SLAMF9: variants seen among roughly 807,000 people sequenced by gnomAD.
SLAMF9 encodes the protein CD2 family member 10.
A neutral mutation model predicts 30.4 loss-of-function variants in SLAMF9; 25 were observed. The observed-to-expected ratio is 0.82, with a 90% CI of 0.60 to 1.15. The LOEUF is 1.15. Ranked by LOEUF, SLAMF9 falls within the 50% of genes most tolerant of loss-of-function variation. The pLI is 0.00. For missense variants in SLAMF9, 344 were observed against 346.1 expected, an observed-to-expected ratio of 0.99 and a Z score of 0.05; for synonymous variants, 129 against 127.2, an observed-to-expected ratio of 1.01 and a Z score of -0.09.
Position 159,951,849 on chromosome 1 carries a change from C to G in SLAMF9, c.682G>C (p.Glu228Gln). The stretch of plus-strand genomic sequence containing the variant: ...AGGCAGAAGGCTGTTGAAGGCTTCT[C>G]AGAAGCATAGTTAGGATCTGGGGTG... ...PFYADPNYAS[E>Q]KPSTAFCLLA... The change falls in exon 4 of 4, where the codon GAG becomes CAG. Residue 228 changes from glutamate (E) to glutamine (Q), a missense_variant. Physicochemically the swap from Glu to Gln is conservative, Grantham distance 29 (BLOSUM62 2). Coordinates refer to ENST00000368093, the MANE Select transcript of SLAMF9 (RefSeq NM_033438.4). 1 of 1,614,040 alleles carries G rather than the reference C, an allele frequency of 6.2e-7. No individual in the cohort carries two copies. The highest frequency in any genetic ancestry group is 8.5e-7 in the Non-Finnish European group (1 of 1,179,982).
At chr1:159,962,272 T>C in the SLAMF9 span, among the ~76,000 whole-genome samples, 1 of 151,534 alleles carries the variant, frequency 6.6e-6, no homozygotes, top group Admixed American at 6.6e-5. Flanking sequence ...AGAGTGGAGA[T>C]GAGGCTACAA....
rs1411895291 is a variant in SLAMF9, at chr1:159,952,016, A to G, written c.665-150T>C. The G allele has an allele frequency of 6.7e-6, 5 of 741,108 alleles. No homozygotes were observed. The African/African-American group carries it at 7.1e-5, about 11-fold the overall frequency. 45.9% of individuals were successfully genotyped at this position (741,108 alleles called of 1,614,324 possible). On this transcript the variant is annotated intron_variant, in intron 3 of 3. Coordinates refer to ENST00000368093, the MANE Select transcript of SLAMF9 (RefSeq NM_033438.4). ...GTGTCTCTGGAAATATATTCTATGCACAGAAGCTCAGGAACTGAGATCTAG... is the reference window on the plus strand; with the variant it reads ...GTGTCTCTGGAAATATATTCTATGCGCAGAAGCTCAGGAACTGAGATCTAG...
At chr1:159,953,198 C>T (rs1651820342) in intron 2 of SLAMF9, 111 bp downstream of exon 2, 5 of 850,680 alleles carry the variant, frequency 5.9e-6, no homozygotes, top group African/African-American at 5.1e-5. Flanking sequence ...AGTCTGCCTC[C>T]AGTTCTAGCC....
upstream of SLAMF9, among the ~76,000 whole-genome samples, chr1:159,956,570 G>A (rs368761991): frequency 3.3e-5 from 5 of 152,142 alleles, no homozygotes; most frequent in East Asian, 7.7e-4. Flanking sequence ...CAGGCCCACT[G>A]AGTGCAAAGC....
the SLAMF9 span, among the ~76,000 whole-genome samples, chr1:159,976,119 G>A: frequency 1.4e-5 from 2 of 144,082 alleles, no homozygotes; most frequent in African/African-American, 5.2e-5. Flanking sequence ...GTGTGTGTGT[G>A]TGTAAGTTGT....
chr1:159,973,753 T>G, the SLAMF9 span: 2 of 1,585,554 alleles, frequency 1.3e-6, no homozygotes, highest in Non-Finnish European at 1.7e-6. Flanking sequence ...ACGGGACCCC[T>G]GAGAGGCACC....
At chr1:159,958,296 A>G (rs1226953107), upstream of SLAMF9, among the ~76,000 whole-genome samples, 5 of 152,178 alleles carry the variant, frequency 3.3e-5, no homozygotes, top group Non-Finnish European at 5.9e-5. Context: ...CCAGAAGGTA[A>G]CTGTTCAGAT....
rs1169944794 is a variant in SLAMF9 at position 159,954,234 on chromosome 1, G to C, written c.-97C>G. On this transcript the variant is annotated 5_prime_UTR_variant, in exon 1 of 4. Coordinates refer to ENST00000368093, the MANE Select transcript of SLAMF9 (RefSeq NM_033438.4). The stretch of plus-strand genomic sequence containing the variant: ...GGAGGCTCCTAGACACAAAGAGCCT[G>C]ACTGATGGTCCTGAGAAAAGGGAAA... 2.0e-5 allele frequency: 28 copies of C among 1,392,326 alleles called. No individual in the cohort carries two copies. The highest frequency in any genetic ancestry group is 2.5e-5 in the Non-Finnish European group (25 of 993,856). 86.2% of individuals were successfully genotyped at this position (1,392,326 alleles called of 1,614,324 possible). A position where few individuals can be genotyped will look rare whatever the true frequency, so the allele number is the denominator to read the frequency against.
chr1:159,976,464 T>G, the SLAMF9 span, among the ~76,000 whole-genome samples: 3 of 152,106 alleles, frequency 2.0e-5, no homozygotes, highest in African/African-American at 7.2e-5. Flanking sequence ...ATAAAATGTT[T>G]AGAATGTAAG....
At chr1:159,969,553 G>A in the SLAMF9 span, among the ~76,000 whole-genome samples, 2 of 152,198 alleles carry the variant, frequency 1.3e-5, no homozygotes, top group Non-Finnish European at 2.9e-5. Context: ...GAGCCCCTCT[G>A]CTCGGGGATT....
At chr1:159,967,145 G>GT in the SLAMF9 span, among the ~76,000 whole-genome samples, 7 of 151,898 alleles carry the variant, frequency 4.6e-5, no homozygotes, top group South Asian at 2.1e-4. Context: ...CCCGTTTTGA[G>GT]TTTTTTTTAT....
chr1:159,982,398 A>G, the SLAMF9 span, among the ~76,000 whole-genome samples: 2 of 151,944 alleles, frequency 1.3e-5, no homozygotes, highest in Non-Finnish European at 2.9e-5. Context: ...CTCCATTCTC[A>G]TCACCCCTTC....
At chr1:159,970,979 C>G in the SLAMF9 span, among the ~76,000 whole-genome samples, 24 of 152,304 alleles carry the variant, frequency 1.6e-4, no homozygotes, top group African/African-American at 5.5e-4. Context: ...ACAAGGTACT[C>G]TTCTGGCATC....
chr1:159,955,881 A>G (rs892588507), upstream of SLAMF9, among the ~76,000 whole-genome samples: 21 of 152,330 alleles, frequency 1.4e-4, no homozygotes, highest in Middle Eastern at 6.8e-3. Context: ...TATGAGTATA[A>G]AACCTGAGGG....
At chr1:159,953,724 T>C (rs1211798575) in intron 1 of SLAMF9, 71 bp from the exon 2 acceptor site, 1 of 1,396,372 alleles carries the variant, frequency 7.2e-7, no homozygotes, top group Non-Finnish European at 9.7e-7. Flanking sequence ...GCAGTGGAGC[T>C]GCCAGAGTAG....
the SLAMF9 span, among the ~76,000 whole-genome samples, chr1:159,974,542 G>T: frequency 6.6e-6 from 1 of 152,158 alleles, no homozygotes; most frequent in Non-Finnish European, 1.5e-5. Context: ...GATTGAAGGA[G>T]CCTGATCTGG....
chr1:159,970,150 T>C, the SLAMF9 span, among the ~76,000 whole-genome samples: 1 of 152,204 alleles, frequency 6.6e-6, no homozygotes, highest in Non-Finnish European at 1.5e-5. Flanking sequence ...CATATGCTCC[T>C]ATATGTAATC....
chr1:159,966,491 A>ACCCGTACCGG, the SLAMF9 span, among the ~76,000 whole-genome samples: 1 of 152,208 alleles, frequency 6.6e-6, no homozygotes, highest in Admixed American at 6.5e-5. Flanking sequence ...GAAGTGGGAT[A>ACCCGTACCGG]GTTGGATCAT....
chr1:159,952,594 A>G, intron 2 of SLAMF9, 60 bp from the exon 3 acceptor site: 2 of 1,571,010 alleles, frequency 1.3e-6, no homozygotes, highest in Non-Finnish European at 1.7e-6. Flanking sequence ...CTGTTTTCCT[A>G]AGCTCCTCAA....
Sources: allele counts gnomAD v4.1 joint callset (sites outside exome capture counted in the v4.1 genomes callset), GRCh38; gene constraint gnomAD v4.1.1; transcripts MANE v1.5; gene names NCBI Gene and HGNC (gene_info 2026-07-23, HGNC 2026-07-21).